MYO1D: variants seen among roughly 807,000 people sequenced by gnomAD.
The protein encoded by MYO1D is unconventional myosin-Id.
A neutral mutation model predicts 122.0 loss-of-function variants in MYO1D; 83 were observed. The ratio of observed to expected loss-of-function variants is 0.68; its 90% confidence interval spans 0.57 to 0.82. The LOEUF is 0.82. MYO1D is among the 40% of genes least tolerant of loss of function. The pLI is 0.00. For missense variants in MYO1D, 1,157 were observed against 1,269.5 expected (o/e 0.91, Z 1.35); for synonymous variants, 464 against 446.9 (o/e 1.04, Z -0.48).
intron 1 of MYO1D, among the ~76,000 whole-genome samples, chr17:32,807,361 TATACATATTTA>T (rs1262239112): frequency 5.6e-4 from 86 of 152,234 alleles, no homozygotes; most frequent in Non-Finnish European, 1.1e-3. Flanking sequence ...ACCCTATGTA[TATACATATTTA>T]AAACAAAATT....
intron 16 of MYO1D, among the ~76,000 whole-genome samples, chr17:32,660,940 C>T (rs1209722232): frequency 2.6e-5 from 4 of 152,108 alleles, no homozygotes; most frequent in Non-Finnish European, 4.4e-5. Context: ...AAGTTTCCTA[C>T]TGTTTGTTGC....
chr17:32,498,593 T>A (rs1025960030), intron 21 of MYO1D: 5 of 152,200 alleles, frequency 3.3e-5, no homozygotes, highest in Admixed American at 6.5e-5. Flanking sequence ...CCTGAGAGCC[T>A]GGGAAGCCGC....
intron 16 of MYO1D, among the ~76,000 whole-genome samples, chr17:32,699,057 T>G (rs2089211272): frequency 6.6e-6 from 1 of 152,130 alleles, no homozygotes; most frequent in Admixed American, 6.6e-5. Flanking sequence ...AACCTCTGCC[T>G]CCGGGGTTCA....
chr17:32,840,034 T>C (rs919550840), intron 1 of MYO1D, among the ~76,000 whole-genome samples: 3 of 152,214 alleles, frequency 2.0e-5, no homozygotes, highest in African/African-American at 7.2e-5. Context: ...TTGTTCCATC[T>C]TTTTATGTGG....
chr17:32,748,895 C>A lies in MYO1D; in HGVS notation c.1538+41G>T, dbSNP rs369887327. 1.9e-5 allele frequency: 29 copies of A among 1,525,310 alleles called. No individual in the cohort carries two copies. In the East Asian group the frequency reaches 2.5e-4, roughly 13 times the overall value. The allele number at this position is 1,525,310 out of a possible 1,614,324, so 94.5% of individuals were successfully genotyped here. On this transcript the variant is annotated intron_variant, in intron 12 of 21. Transcript: ENST00000318217. ...CCTGGTTGTATTTTCTAAAGTGAGG[C>A]GGCATGCAAATCATGGTAGGTACCA...
chr17:32,646,850 A>G (rs947728651), intron 19 of MYO1D, among the ~76,000 whole-genome samples: 9 of 152,240 alleles, frequency 5.9e-5, no homozygotes, highest in Non-Finnish European at 1.3e-4. Context: ...CTCAGATTGC[A>G]TAATTTAGCT....
At chr17:32,608,353 G>A (rs151220087) in intron 20 of MYO1D, among the ~76,000 whole-genome samples, 2 of 152,284 alleles carry the variant, frequency 1.3e-5, no homozygotes, top group Non-Finnish European at 2.9e-5. Flanking sequence ...AAGGCATAGG[G>A]GTGAATAAGC....
In MYO1D at chr17:32,845,876, T is replaced by C. The variant is rs191397599; in HGVS notation, c.95+30902A>G. 2.4e-3 allele frequency among the ~76,000 whole-genome samples: 369 copies of C among 151,578 alleles called. 3 individuals are homozygous for C. The highest frequency in any genetic ancestry group is 8.6e-3 in the African/African-American group (356 of 41,282). ...ACACCCTTGCTTTGCCCACTTAAAG[T>C]AAAGGAAAATATTATTTGAGCATCT... On this transcript the variant is annotated intron_variant, in intron 1 of 21. Transcript: ENST00000318217.
intron 16 of MYO1D, among the ~76,000 whole-genome samples, chr17:32,705,979 T>C (rs2089303565): frequency 6.6e-6 from 1 of 152,228 alleles, no homozygotes; most frequent in South Asian, 2.1e-4. Flanking sequence ...TCCCAAGTCA[T>C]GTGGAACTGT....
chr17:32,553,457 G>C (rs1024219600), intron 21 of MYO1D, among the ~76,000 whole-genome samples: 1 of 152,168 alleles, frequency 6.6e-6, no homozygotes, highest in African/African-American at 2.4e-5. Flanking sequence ...GCAATTACCA[G>C]GGCTGCGAAT....
At chr17:32,530,808 A>T (rs1373556786) in intron 21 of MYO1D, among the ~76,000 whole-genome samples, 2 of 151,904 alleles carry the variant, frequency 1.3e-5, no homozygotes, top group Non-Finnish European at 2.9e-5. Flanking sequence ...TGCTAAAAAT[A>T]ATTTTTTTTT....
At chr17:32,678,879 T>C (rs1471243115) in intron 16 of MYO1D, among the ~76,000 whole-genome samples, 1 of 151,164 alleles carries the variant, frequency 6.6e-6, no homozygotes, top group East Asian at 1.9e-4. Flanking sequence ...CCACCAACAG[T>C]GTAAAAGTGT....
At chr17:32,755,029 C>T (rs894588311) in intron 11 of MYO1D, among the ~76,000 whole-genome samples, 2 of 152,196 alleles carry the variant, frequency 1.3e-5, no homozygotes, top group African/African-American at 4.8e-5. Context: ...TAGAATCTCT[C>T]TGTTTTCAAG....
chr17:32,737,362 CTTT>C (rs59432486), intron 14 of MYO1D, among the ~76,000 whole-genome samples: 2 of 142,116 alleles, frequency 1.4e-5, no homozygotes, highest in Admixed American at 7.1e-5. Flanking sequence ...AATAATACAA[CTTT>C]TTTTTTTTTT....
In MYO1D at chr17:32,687,048, A is replaced by G. The variant is rs573580982; in HGVS notation, c.2121+24940T>C. Among the ~76,000 whole-genome samples the G allele has an allele frequency of 3.3e-5, 5 of 151,982 alleles. No individual in the cohort carries two copies. In the East Asian group the frequency reaches 9.7e-4, roughly 29 times the overall value. On this transcript the variant is annotated intron_variant, in intron 16 of 21. Coordinates refer to ENST00000318217, the MANE Select transcript of MYO1D (RefSeq NM_015194.3). ...AAAACTAAATACACAGGTACTTACA[A>G]AGTGTTCAAATTCTGTCAAATGTAT...
intron 21 of MYO1D, among the ~76,000 whole-genome samples, chr17:32,513,932 C>T (rs1425316080): frequency 6.6e-6 from 1 of 151,290 alleles, no homozygotes; most frequent in Non-Finnish European, 1.5e-5. Flanking sequence ...TACAGGCATA[C>T]ACCACCATGC....
At chr17:32,777,397 C>A (rs1304550471) in intron 3 of MYO1D, among the ~76,000 whole-genome samples, 1 of 151,494 alleles carries the variant, frequency 6.6e-6, no homozygotes. Context: ...AGGTGGGACT[C>A]TTTACTAAAT....
At chr17:32,603,978 A>C (rs1288244080) in intron 21 of MYO1D, among the ~76,000 whole-genome samples, 1 of 152,170 alleles carries the variant, frequency 6.6e-6, no homozygotes, top group Non-Finnish European at 1.5e-5. Context: ...TACTTACAGC[A>C]TGTAAAAGCA....
chr17:32,629,289 C>T (rs1405221859), intron 20 of MYO1D, among the ~76,000 whole-genome samples: 1 of 152,072 alleles, frequency 6.6e-6, no homozygotes, highest in Non-Finnish European at 1.5e-5. Flanking sequence ...CTGTGTGATA[C>T]TGTAATGGTG....
Sources: gnomAD v4.1 joint callset for allele counts (sites outside exome capture counted in the v4.1 genomes callset) on GRCh38, gnomAD v4.1.1 for gene constraint, MANE v1.5 for transcripts, NCBI Gene and HGNC (gene_info 2026-07-23, HGNC 2026-07-21) for gene names.